Variants in ADGRL2 observed in about 807,000 individuals in gnomAD.
The protein encoded by ADGRL2 is calcium-independent alpha-latrotoxin receptor 2.
A neutral mutation model predicts 157.4 loss-of-function variants in ADGRL2; 44 were observed. That is an observed-to-expected ratio of 0.28 (90% CI 0.22 to 0.36). ADGRL2 has a LOEUF of 0.36. ADGRL2 is among the 10% of genes least tolerant of loss of function. The pLI is 1.00. For synonymous variants in ADGRL2, 585 were observed against 624.7 expected, an observed-to-expected ratio of 0.94 and a Z score of 0.95; for missense variants, 1,510 against 1,768.9, an observed-to-expected ratio of 0.85 and a Z score of 2.63.
chr1:81,804,193 G>A (rs960837791), intron 1 of ADGRL2, among the ~76,000 whole-genome samples: 5 of 152,088 alleles, frequency 3.3e-5, no homozygotes, highest in African/African-American at 1.2e-4. Context: ...ATTTACTTCT[G>A]TCCAGGTGTG....
chr1:81,321,826 T>C (rs1660521622), intron 1 of ADGRL2, among the ~76,000 whole-genome samples: 1 of 125,574 alleles, frequency 8.0e-6, no homozygotes, highest in Admixed American at 8.7e-5. Flanking sequence ...AGTGATTACA[T>C]GCTGTTGAAA....
intron 1 of ADGRL2, among the ~76,000 whole-genome samples, chr1:81,818,386 G>A (rs1388061243): frequency 6.6e-6 from 1 of 151,988 alleles, no homozygotes; most frequent in Non-Finnish European, 1.5e-5. Flanking sequence ...GTAATTTTTG[G>A]TTTCCTACAT....
chr1:81,939,862 T>C lies in ADGRL2; in HGVS notation c.398-2172T>C, dbSNP rs1572245113. Among the ~76,000 whole-genome samples the C allele has an allele frequency of 3.3e-5, 5 of 151,552 alleles. No homozygotes were observed. The South Asian group carries it at 1.0e-3, about 31-fold the overall frequency. Reference sequence around the variant, plus strand: ...ATAAATATAATAACGTAGGGACTTTTTTGTTGTAAAGAGCAATGTTTTCCT... The same window carrying C: ...ATAAATATAATAACGTAGGGACTTTCTTGTTGTAAAGAGCAATGTTTTCCT... On this transcript the variant is annotated intron_variant, in intron 4 of 23. Transcript: ENST00000686636.
chr1:81,753,835 C>T (rs369678594), intron 1 of ADGRL2, among the ~76,000 whole-genome samples: 3 of 152,254 alleles, frequency 2.0e-5, no homozygotes, highest in East Asian at 3.9e-4. Context: ...GTCATTATTA[C>T]TCCTAATACC....
At chr1:81,609,681 C>T (rs2081502218) in intron 3 of ADGRL2, among the ~76,000 whole-genome samples, 2 of 151,796 alleles carry the variant, frequency 1.3e-5, no homozygotes, top group Admixed American at 6.5e-5. Context: ...ACTGATGTGA[C>T]AATATTCCAG....
At chr1:81,330,017 T>C (rs552981046) in intron 1 of ADGRL2, among the ~76,000 whole-genome samples, 3 of 152,312 alleles carry the variant, frequency 2.0e-5, no homozygotes, top group South Asian at 2.1e-4. Context: ...AAAACTGTTA[T>C]TTTGATTAAA....
intron 1 of ADGRL2, among the ~76,000 whole-genome samples, chr1:81,359,573 A>G (rs1441605982): frequency 1.3e-5 from 2 of 152,084 alleles, no homozygotes; most frequent in African/African-American, 4.8e-5. Context: ...TGAGTAAGTC[A>G]TACATAATAG....
chr1:81,434,843 T>TCCG (rs1196566439), intron 1 of ADGRL2, among the ~76,000 whole-genome samples: 1 of 152,138 alleles, frequency 6.6e-6, no homozygotes, highest in Non-Finnish European at 1.5e-5. Flanking sequence ...AAGTCACTGC[T>TCCG]CCGCTGTTTG....
chr1:81,734,024 C>T (rs922458094), intron 1 of ADGRL2, among the ~76,000 whole-genome samples: 7 of 152,096 alleles, frequency 4.6e-5, no homozygotes, highest in African/African-American at 1.4e-4. Context: ...CACCTGTAAT[C>T]CCAGCACTTT....
At chr1:81,959,836 T>C (rs1315012327) in intron 11 of ADGRL2, among the ~76,000 whole-genome samples, 1 of 152,132 alleles carries the variant, frequency 6.6e-6, no homozygotes, top group Non-Finnish European at 1.5e-5. Context: ...GTTCCACTCT[T>C]GTTGCCCAGG....
chr1:81,594,696 T>C (rs2081198598), intron 3 of ADGRL2, among the ~76,000 whole-genome samples: 1 of 152,186 alleles, frequency 6.6e-6, no homozygotes, highest in African/African-American at 2.4e-5. Context: ...TTCTTGACAA[T>C]GTAAAAATCC....
intron 1 of ADGRL2, among the ~76,000 whole-genome samples, chr1:81,335,492 C>T (rs983334819): frequency 6.6e-6 from 1 of 152,152 alleles, no homozygotes; most frequent in African/African-American, 2.4e-5. Context: ...ACCCCCAAAC[C>T]AAAACTGTGA....
chr1:81,935,155 T>G (rs2095291424), intron 3 of ADGRL2, among the ~76,000 whole-genome samples: 1 of 151,986 alleles, frequency 6.6e-6, no homozygotes, highest in Non-Finnish European at 1.5e-5. Flanking sequence ...TCGTTTACAC[T>G]AAGTGGTGAA....
chr1:81,411,065 A>G (rs1206724837), intron 1 of ADGRL2, among the ~76,000 whole-genome samples: 7 of 152,226 alleles, frequency 4.6e-5, no homozygotes, highest in Non-Finnish European at 1.0e-4. Context: ...TTTAGTTGCC[A>G]CTATTACTGG....
At chr1:81,493,055 T>A (rs2078665131) in intron 2 of ADGRL2, among the ~76,000 whole-genome samples, 1 of 152,192 alleles carries the variant, frequency 6.6e-6, no homozygotes, top group African/African-American at 2.4e-5. Context: ...AAACTCCTTT[T>A]TAAAAAACAA....
chr1:81,734,919 G>A (rs1326092984), intron 1 of ADGRL2, among the ~76,000 whole-genome samples: 1 of 143,630 alleles, frequency 7.0e-6, no homozygotes, highest in Non-Finnish European at 1.6e-5. Flanking sequence ...TGTAATCCCA[G>A]CTACTCGGAA....
At chr1:81,954,823 C>G (rs911758159) in intron 10 of ADGRL2, among the ~76,000 whole-genome samples, 1 of 152,154 alleles carries the variant, frequency 6.6e-6, no homozygotes, top group Non-Finnish European at 1.5e-5. Context: ...ACAACTTTCC[C>G]CCCTGTTCAT....
intron 2 of ADGRL2, among the ~76,000 whole-genome samples, chr1:81,771,431 A>G (rs922622076): frequency 1.3e-5 from 2 of 152,210 alleles, no homozygotes; most frequent in African/African-American, 4.8e-5. Flanking sequence ...CCCAGGGCTT[A>G]GTGCTGGCAT....
chr1:81,334,265 C>T (rs933904371), intron 1 of ADGRL2, among the ~76,000 whole-genome samples: 6 of 152,208 alleles, frequency 3.9e-5, no homozygotes, highest in East Asian at 1.9e-4. Context: ...TCTATAAAAA[C>T]GATACTTACA....
Sources: gnomAD v4.1 joint callset for allele counts (sites outside exome capture counted in the v4.1 genomes callset) on GRCh38, gnomAD v4.1.1 for gene constraint, MANE v1.5 for transcripts, NCBI Gene and HGNC (gene_info 2026-07-23, HGNC 2026-07-21) for gene names.